GABRB1: variants seen among roughly 807,000 people sequenced by gnomAD.
GABRB1 encodes gamma-aminobutyric acid receptor subunit beta-1.
A neutral mutation model predicts 51.6 loss-of-function variants in GABRB1; 17 were observed. The observed-to-expected ratio is 0.33, with a 90% CI of 0.23 to 0.49. The LOEUF (loss-of-function observed/expected upper bound fraction) is 0.49. GABRB1 is among the 20% of genes least tolerant of loss of function. The pLI, the probability that GABRB1 is intolerant of heterozygous loss-of-function variation, is 0.99. For missense variants in GABRB1, 410 were observed against 600.6 expected (o/e 0.68, Z 3.32); for synonymous variants, 247 against 218.9 (o/e 1.13, Z -1.14).
chr4:47,101,374 G>A (rs181457133), intron 3 of GABRB1, among the ~76,000 whole-genome samples: 2 of 151,476 alleles, frequency 1.3e-5, no homozygotes, highest in Non-Finnish European at 2.9e-5. Flanking sequence ...GTTTTGTCTT[G>A]TAATTGATTT....
At chr4:47,293,132 G>T (rs1447048130) in intron 4 of GABRB1, among the ~76,000 whole-genome samples, 1 of 151,964 alleles carries the variant, frequency 6.6e-6, no homozygotes, top group African/African-American at 2.4e-5. Flanking sequence ...TGTTGTTGTT[G>T]TTGTTTTTCT....
chr4:47,418,642 T>C (rs1729003751), intron 8 of GABRB1, among the ~76,000 whole-genome samples: 1 of 152,244 alleles, frequency 6.6e-6, no homozygotes, highest in Non-Finnish European at 1.5e-5. Context: ...CCCCATTCAT[T>C]CATTTCAAAG....
chr4:47,003,948 G>T (rs1225479609), intron 1 of GABRB1, among the ~76,000 whole-genome samples: 1 of 152,032 alleles, frequency 6.6e-6, no homozygotes, highest in Non-Finnish European at 1.5e-5. Context: ...TATGTTATGC[G>T]GCATTACAAT....
intron 3 of GABRB1, among the ~76,000 whole-genome samples, chr4:47,063,109 C>T (rs1726911852): frequency 6.6e-6 from 1 of 151,978 alleles, no homozygotes; most frequent in Admixed American, 6.6e-5. Context: ...CTAAGCAATC[C>T]CTCTGTGGCC....
At chr4:47,416,113 A>G (rs549953373) in intron 8 of GABRB1, among the ~76,000 whole-genome samples, 3 of 152,356 alleles carry the variant, frequency 2.0e-5, no homozygotes, top group African/African-American at 4.8e-5. Flanking sequence ...AACACATGAT[A>G]TAATGGCAGA....
chr4:47,311,187 A>G (rs1724659281), intron 4 of GABRB1, among the ~76,000 whole-genome samples: 1 of 151,770 alleles, frequency 6.6e-6, no homozygotes, highest in Non-Finnish European at 1.5e-5. Flanking sequence ...TGAGGTCAGG[A>G]GTTCGAGACC....
intron 3 of GABRB1, among the ~76,000 whole-genome samples, chr4:47,034,254 C>T (rs770390578): frequency 1.1e-4 from 17 of 152,000 alleles, no homozygotes; most frequent in Admixed American, 1.1e-3. Context: ...TATTGACATA[C>T]CCCTTTTCAG....
chr4:47,026,444 C>T (rs1172280822), intron 1 of GABRB1, among the ~76,000 whole-genome samples: 1 of 151,882 alleles, frequency 6.6e-6, no homozygotes, highest in Non-Finnish European at 1.5e-5. Context: ...TACTAAACAA[C>T]AACAGTAAAC....
At chr4:47,212,463 G>A (rs572127946) in intron 4 of GABRB1, among the ~76,000 whole-genome samples, 1 of 152,050 alleles carries the variant, frequency 6.6e-6, no homozygotes, top group Admixed American at 6.5e-5. Context: ...GATCACCTGC[G>A]GTCAGGAGTG....
intron 4 of GABRB1, among the ~76,000 whole-genome samples, chr4:47,292,187 A>G (rs1723770688): frequency 6.6e-6 from 1 of 152,122 alleles, no homozygotes; most frequent in Admixed American, 6.5e-5. Context: ...GGTCATTACA[A>G]GAGGGAGTTT....
chr4:47,128,757 A>G (rs1376408353), intron 3 of GABRB1, among the ~76,000 whole-genome samples: 3 of 152,008 alleles, frequency 2.0e-5, no homozygotes, highest in African/African-American at 4.8e-5. Context: ...GAGGGAGTAA[A>G]TGAGTAGGTT....
At chr4:47,077,979 AAT>A (rs1383119409) in intron 3 of GABRB1, among the ~76,000 whole-genome samples, 27 of 37,876 alleles carry the variant, frequency 7.1e-4, no homozygotes, top group African/African-American at 2.8e-3. Context: ...TTTTATATAT[AAT>A]ATATAATATA....
At chr4:47,291,426 G>A (rs140092951) in intron 4 of GABRB1, among the ~76,000 whole-genome samples, 11 of 152,204 alleles carry the variant, frequency 7.2e-5, no homozygotes, top group South Asian at 2.1e-4. Context: ...ATGTGGTGTC[G>A]GAGCCCCCCG....
chr4:47,029,620 T>C (rs1405690036), upstream of GABRB1, among the ~76,000 whole-genome samples: 4 of 152,060 alleles, frequency 2.6e-5, no homozygotes, highest in Non-Finnish European at 4.4e-5. Flanking sequence ...AGATCTTTCC[T>C]TTTATCACAG....
chr4:47,006,329 A>C (rs1014255262), intron 1 of GABRB1, among the ~76,000 whole-genome samples: 1 of 152,094 alleles, frequency 6.6e-6, no homozygotes, highest in Non-Finnish European at 1.5e-5. Flanking sequence ...AAATAATACT[A>C]TACATATATA....
At chr4:47,098,899 C>G (rs1304286329) in intron 3 of GABRB1, among the ~76,000 whole-genome samples, 1 of 151,940 alleles carries the variant, frequency 6.6e-6, no homozygotes, top group Non-Finnish European at 1.5e-5. Context: ...AAAGAAAATT[C>G]AACACTTTAG....
chr4:47,325,606 T>C (rs370883651), intron 5 of GABRB1, among the ~76,000 whole-genome samples: 1 of 152,152 alleles, frequency 6.6e-6, no homozygotes, highest in African/African-American at 2.4e-5. Context: ...TCCAGCACAA[T>C]AGACTTTGTT....
Position 47,388,620 on chromosome 4 carries a change from C to A in GABRB1, c.545-14698C>A, listed in dbSNP as rs373592200. Among the ~76,000 whole-genome samples, 50 of 152,238 alleles carry A rather than the reference C, an allele frequency of 3.3e-4. 1 individual carries two copies. Among genetic ancestry groups the A allele is most frequent in the African/African-American group, 1.1e-3 (45 of 41,536 alleles). On this transcript the variant is annotated intron_variant, in intron 5 of 8. Coordinates refer to ENST00000295454, the MANE Select transcript of GABRB1 (RefSeq NM_000812.4). ...GGCTCCATAACAAGGGCAGAATTAA[C>A]CTTGGGGACAGGTCTGTGCAATAGA...
At chr4:47,265,196 T>C (rs1333201565) in intron 4 of GABRB1, among the ~76,000 whole-genome samples, 1 of 152,180 alleles carries the variant, frequency 6.6e-6, no homozygotes, top group Non-Finnish European at 1.5e-5. Flanking sequence ...GGTGAGAATG[T>C]GCAATATTTG....
Sources: allele counts gnomAD v4.1 joint callset (sites outside exome capture counted in the v4.1 genomes callset), GRCh38; gene constraint gnomAD v4.1.1; transcripts MANE v1.5; gene names NCBI Gene and HGNC (gene_info 2026-07-23, HGNC 2026-07-21).